DMXL2: variants seen among roughly 807,000 people sequenced by gnomAD.
DMXL2 encodes the protein Dmx like 2, also known as dmX-like protein 2.
In DMXL2, 103 loss-of-function variants were observed where a neutral mutation model predicts 331.1. The observed-to-expected ratio is 0.31, with a 90% confidence interval of 0.27 to 0.37. DMXL2 has a LOEUF of 0.37. DMXL2 is among the 10% of genes least tolerant of loss of function. The pLI is 1.00. For synonymous variants in DMXL2, 1,281 were observed against 1,252.1 expected, an observed-to-expected ratio of 1.02 and a Z score of -0.49; for missense variants, 3,171 against 3,642.9, an observed-to-expected ratio of 0.87 and a Z score of 3.33.
intron 1 of DMXL2, among the ~76,000 whole-genome samples, chr15:51,586,057 T>C (rs574789713): frequency 2.0e-5 from 3 of 152,306 alleles, no homozygotes; most frequent in Admixed American, 6.5e-5. Flanking sequence ...CACACTTTAC[T>C]GACATGATTC....
chr15:51,452,175 T>TG (rs1318265322), intron 41 of DMXL2, among the ~76,000 whole-genome samples: 3 of 152,042 alleles, frequency 2.0e-5, no homozygotes, highest in African/African-American at 7.3e-5. Context: ...ATCTAACACT[T>TG]GAAACCATAA....
chr15:51,460,352 C>T (rs1354257094), intron 33 of DMXL2: 7 of 985,426 alleles, frequency 7.1e-6, no homozygotes, highest in Non-Finnish European at 8.4e-6. Context: ...CCCATGCCTC[C>T]AGGGACTCCC....
chr15:51,586,483 T>C (rs2051835936), intron 1 of DMXL2, among the ~76,000 whole-genome samples: 1 of 152,158 alleles, frequency 6.6e-6, no homozygotes. Context: ...TTCAAATTTC[T>C]TCCTAACTAC....
At chr15:51,578,102 GA>G (rs1356311670) in intron 1 of DMXL2, among the ~76,000 whole-genome samples, 1 of 152,144 alleles carries the variant, frequency 6.6e-6, no homozygotes, top group Non-Finnish European at 1.5e-5. Flanking sequence ...GAAGACAGAA[GA>G]AGTACTCAAC....
At chr15:51,541,033 T>A (rs919873097) in intron 9 of DMXL2, among the ~76,000 whole-genome samples, 3 of 152,328 alleles carry the variant, frequency 2.0e-5, no homozygotes, top group African/African-American at 7.2e-5. Flanking sequence ...TGTTTTGAAG[T>A]TGAATTTTTA....
Position 51,536,338 on chromosome 15 carries a change from T to C in DMXL2, c.2142A>G (p.Thr714=), listed in dbSNP as rs778356061. ...KQPLRNAATR[T]FHDPNAIYSE... Reference sequence around the variant, plus strand: ...TGTAGATTGCATTTGGGTCATGAAATGTACGAGTTGCTGCATTTCTAAGAG... The same window carrying C: ...TGTAGATTGCATTTGGGTCATGAAACGTACGAGTTGCTGCATTTCTAAGAG... The change falls in exon 12 of 44, where the codon ACA becomes ACG. Residue 714 remains threonine, a synonymous_variant. Coordinates refer to ENST00000560891, the MANE Select transcript of DMXL2 (RefSeq NM_001378457.1). 2.7e-5 allele frequency: 43 copies of C among 1,614,036 alleles called. No individual in the cohort carries two copies. The highest frequency in any genetic ancestry group is 3.6e-5 in the Non-Finnish European group (43 of 1,179,938).
At chr15:51,546,879 A>G (rs916464608) in intron 7 of DMXL2, among the ~76,000 whole-genome samples, 1 of 152,128 alleles carries the variant, frequency 6.6e-6, no homozygotes, top group Non-Finnish European at 1.5e-5. Flanking sequence ...TTTTCTTGCT[A>G]GGATCTGCTA....
At chr15:51,454,767 T>C (rs2141202540) in intron 40 of DMXL2, among the ~76,000 whole-genome samples, 1 of 152,226 alleles carries the variant, frequency 6.6e-6, no homozygotes, top group African/African-American at 2.4e-5. Flanking sequence ...AGTGCTGGGA[T>C]TACAGGCGTG....
chr15:51,560,528 A>C (rs2049889929), intron 6 of DMXL2, among the ~76,000 whole-genome samples: 1 of 149,874 alleles, frequency 6.7e-6, no homozygotes, highest in African/African-American at 2.4e-5. Flanking sequence ...AAAAAAAAAA[A>C]AAACTAGCCA....
rs756483117 is a variant in DMXL2, at chr15:51,474,597, A to AAAT, written c.6965-6_6965-5insATT. ...GATTAATAAGTGAGCTCACACCTAT[A>AAAT]AGGGTATATAAAATCATAAGACGTA... On this transcript the variant is annotated splice_region_variant and splice_polypyrimidine_tract_variant and intron_variant, in intron 27 of 43. Coordinates refer to ENST00000560891, the MANE Select transcript of DMXL2 (RefSeq NM_001378457.1). 13 of 1,588,748 alleles carry AAAT rather than the reference A, an allele frequency of 8.2e-6. No individual in the cohort carries two copies. In the South Asian group the frequency reaches 1.4e-4, roughly 17 times the overall value.
chr15:51,533,296 C>T (rs951505945), intron 13 of DMXL2, among the ~76,000 whole-genome samples: 1 of 152,066 alleles, frequency 6.6e-6, no homozygotes, highest in African/African-American at 2.4e-5. Flanking sequence ...GCTTGGATTA[C>T]AGGTGTGAGT....
At chr15:51,497,924 A>G (rs2043297433) in intron 18 of DMXL2, among the ~76,000 whole-genome samples, 1 of 152,050 alleles carries the variant, frequency 6.6e-6, no homozygotes, top group African/African-American at 2.4e-5. Flanking sequence ...CATAGGGATC[A>G]ATCTGTGTTA....
intron 1 of DMXL2, 135 bp from the exon 2 acceptor site, chr15:51,576,316 A>C (rs1340267231): frequency 1.6e-6 from 1 of 624,240 alleles, no homozygotes; most frequent in Non-Finnish European, 2.5e-6. Context: ...AATAGTTAAT[A>C]TAATATCAAT....
intron 20 of DMXL2, 143 bp from the exon 21 acceptor site, chr15:51,488,788 T>C: frequency 3.3e-6 from 2 of 613,922 alleles, no homozygotes; most frequent in Non-Finnish European, 5.6e-6. Context: ...CAATCTCCAG[T>C]AGGTTATAAT....
At chr15:51,560,891 CAAGTT>C (rs2049921070) in intron 6 of DMXL2, among the ~76,000 whole-genome samples, 2 of 151,632 alleles carry the variant, frequency 1.3e-5, no homozygotes, top group South Asian at 4.2e-4. Context: ...TTCTTTGTCT[CAAGTT>C]GAGGAGTAGG....
chr15:51,483,075 C>G (rs1165799976), intron 23 of DMXL2, among the ~76,000 whole-genome samples: 1 of 152,196 alleles, frequency 6.6e-6, no homozygotes, highest in African/African-American at 2.4e-5. Context: ...AACAGAAGAT[C>G]CCCATCAGCC....
intron 43 of DMXL2, 62 bp downstream of exon 43, chr15:51,450,067 G>A (rs1201268259): frequency 2.8e-6 from 4 of 1,441,442 alleles, no homozygotes; most frequent in African/African-American, 1.4e-5. Flanking sequence ...AGAATGTGGA[G>A]TTTTTGTTTT....
At chr15:51,479,262 A>C (rs1447539274) in intron 25 of DMXL2, among the ~76,000 whole-genome samples, 1 of 152,222 alleles carries the variant, frequency 6.6e-6, no homozygotes, top group Non-Finnish European at 1.5e-5. Context: ...CTGTCAAACA[A>C]AACAAATAAA....
chr15:51,480,449 G>C (rs1392290100), intron 24 of DMXL2, 93 bp downstream of exon 24: 33 of 1,379,718 alleles, frequency 2.4e-5, no homozygotes, highest in Admixed American at 4.9e-5. Context: ...AGATTAACTA[G>C]TAAAAAGTAG....
Sources: gnomAD v4.1 joint callset for allele counts (sites outside exome capture counted in the v4.1 genomes callset) on GRCh38, gnomAD v4.1.1 for gene constraint, MANE v1.5 for transcripts, NCBI Gene and HGNC (gene_info 2026-07-23, HGNC 2026-07-21) for gene names.